The following VDAC1 variants were observed in gnomAD, a reference collection of about 807,000 sequenced individuals.
The protein encoded by VDAC1 is non-selective voltage-gated ion channel VDAC1.
A neutral mutation model predicts 34.7 loss-of-function variants in VDAC1; 10 were observed. The observed-to-expected ratio is 0.29, with a 90% CI of 0.18 to 0.49. The LOEUF (loss-of-function observed/expected upper bound fraction) is 0.49, where lower values mean the gene tolerates loss of function less well. Ranked by LOEUF, VDAC1 falls within the 20% of genes least tolerant of loss-of-function variation. The pLI is 0.99. For missense variants in VDAC1, 230 were observed against 347.9 expected, an observed-to-expected ratio of 0.66 and a Z score of 2.69; for synonymous variants, 130 against 136.0, an observed-to-expected ratio of 0.96 and a Z score of 0.30.
intron 1 of VDAC1, among the ~76,000 whole-genome samples, chr5:133,996,409 C>G (rs886578856): frequency 6.6e-5 from 10 of 152,164 alleles, no homozygotes; most frequent in African/African-American, 1.9e-4. Flanking sequence ...AAATCCGGCC[C>G]ATACTGGAAG....
chr5:134,076,136 T>C, the VDAC1 span, among the ~76,000 whole-genome samples: 50 of 152,276 alleles, frequency 3.3e-4, no homozygotes, highest in African/African-American at 1.2e-3. Flanking sequence ...CATGCCACCA[T>C]GTCTGGCTAA....
At chr5:134,067,011 G>A in the VDAC1 span, among the ~76,000 whole-genome samples, 4 of 151,180 alleles carry the variant, frequency 2.6e-5, no homozygotes, top group Non-Finnish European at 5.9e-5. Context: ...TGTATTTTTT[G>A]TTTATAATGT....
the VDAC1 span, among the ~76,000 whole-genome samples, chr5:134,064,163 T>C: frequency 6.6e-6 from 1 of 152,086 alleles, no homozygotes; most frequent in Non-Finnish European, 1.5e-5. Context: ...TAGACAATCA[T>C]GGCATCTTGA....
the VDAC1 span, among the ~76,000 whole-genome samples, chr5:134,096,832 G>C: frequency 6.6e-6 from 1 of 152,146 alleles, no homozygotes; most frequent in Non-Finnish European, 1.5e-5. Context: ...AGTTCAATCT[G>C]CCTGCCTCCG....
the VDAC1 span, among the ~76,000 whole-genome samples, chr5:134,088,102 C>G: frequency 1.2e-4 from 18 of 152,112 alleles, no homozygotes; most frequent in African/African-American, 4.3e-4. Flanking sequence ...TTGCAGTGAG[C>G]TGAGATCACG....
upstream of VDAC1, among the ~76,000 whole-genome samples, chr5:134,007,542 C>G (rs1008158247): frequency 6.6e-6 from 1 of 152,154 alleles, no homozygotes; most frequent in Admixed American, 6.5e-5. Flanking sequence ...AGAGGGGAAA[C>G]CCCCTGAGCC....
At chr5:134,112,007 T>C in the VDAC1 span, among the ~76,000 whole-genome samples, 2 of 152,180 alleles carry the variant, frequency 1.3e-5, no homozygotes, top group Non-Finnish European at 2.9e-5. Flanking sequence ...GCCTGGCACA[T>C]AGTAATCACT....
chr5:134,077,686 G>A, the VDAC1 span, among the ~76,000 whole-genome samples: 1 of 152,196 alleles, frequency 6.6e-6, no homozygotes, highest in African/African-American at 2.4e-5. Flanking sequence ...TGTACAGAAT[G>A]AGAAAACTGA....
chr5:134,076,033 T>C, the VDAC1 span, among the ~76,000 whole-genome samples: 1 of 151,296 alleles, frequency 6.6e-6, no homozygotes, highest in Non-Finnish European at 1.5e-5. Context: ...CAGGCTGGAG[T>C]GCAATGGCAT....
the VDAC1 span, among the ~76,000 whole-genome samples, chr5:134,090,055 C>G: frequency 2.0e-5 from 3 of 152,064 alleles, no homozygotes; most frequent in African/African-American, 7.2e-5. Flanking sequence ...CCAAATTGTT[C>G]ATTCTCAGGC....
chr5:134,114,287 C>T, the VDAC1 span, among the ~76,000 whole-genome samples: 4 of 152,090 alleles, frequency 2.6e-5, no homozygotes, highest in African/African-American at 9.7e-5. Context: ...CCCTAGGAAG[C>T]CCCCAGTTCA....
the VDAC1 span, among the ~76,000 whole-genome samples, chr5:134,099,659 C>T: frequency 2.6e-5 from 4 of 152,370 alleles, no homozygotes; most frequent in African/African-American, 9.6e-5. Context: ...CAACACGCAG[C>T]AGCGTTGACC....
the VDAC1 span, among the ~76,000 whole-genome samples, chr5:134,072,741 G>C: frequency 6.6e-6 from 1 of 152,154 alleles, no homozygotes; most frequent in Non-Finnish European, 1.5e-5. Context: ...CCAGCTCCAG[G>C]TTCCTCCTAC....
chr5:134,062,796 T>C, the VDAC1 span, among the ~76,000 whole-genome samples: 1 of 151,548 alleles, frequency 6.6e-6, no homozygotes, highest in East Asian at 1.9e-4. Context: ...TCAGCTAATT[T>C]TTGTTTTTTT....
the VDAC1 span, among the ~76,000 whole-genome samples, chr5:134,094,421 G>A: frequency 6.6e-6 from 1 of 152,270 alleles, no homozygotes; most frequent in Admixed American, 6.5e-5. Context: ...TGAAATGGCC[G>A]GGCGCGGTGG....
At chr5:134,050,212 G>A in the VDAC1 span, among the ~76,000 whole-genome samples, 1 of 152,078 alleles carries the variant, frequency 6.6e-6, no homozygotes, top group Non-Finnish European at 1.5e-5. Flanking sequence ...TCACGCCATT[G>A]CACTCTAGCC....
the VDAC1 span, among the ~76,000 whole-genome samples, chr5:134,043,441 C>T: frequency 6.6e-5 from 10 of 152,300 alleles, no homozygotes; most frequent in South Asian, 2.1e-4. Flanking sequence ...TTCTAGACTG[C>T]GGGACTACCT....
At chr5:133,980,689 A>AGGCCCCCCCCCCCCCCC in intron 6 of VDAC1, 40 bp downstream of exon 6, 2 of 564,056 alleles carry the variant, frequency 3.5e-6, no homozygotes. Context: ...ACATGCTCCA[A>AGGCCCCCCCCCCCCCCC]CCCCACCCCT....
chr5:134,008,837 C>T (rs1274175874), upstream of VDAC1, among the ~76,000 whole-genome samples: 2 of 152,188 alleles, frequency 1.3e-5, no homozygotes, highest in African/African-American at 4.8e-5. Flanking sequence ...GTTGCATTGT[C>T]ATAAAACCTA....
Sources: gnomAD v4.1 joint callset for allele counts (sites outside exome capture counted in the v4.1 genomes callset) on GRCh38, gnomAD v4.1.1 for gene constraint, MANE v1.5 for transcripts, NCBI Gene and HGNC (gene_info 2026-07-23, HGNC 2026-07-21) for gene names.